Variants in OTOGL observed in about 807,000 individuals in gnomAD.
OTOGL encodes the protein otogelin-like protein.
Under a neutral mutation model 318.5 loss-of-function variants are expected in OTOGL, and 285 were observed. The observed-to-expected ratio is 0.89, with a 90% CI of 0.81 to 0.99. OTOGL has a LOEUF of 0.99. OTOGL is among the 50% of genes least tolerant of loss of function. The pLI is 0.00. For missense variants in OTOGL, 2,899 were observed against 2,845.6 expected (o/e 1.02, Z -0.43); for synonymous variants, 987 against 936.5 (o/e 1.05, Z -0.99).
At chr12:80,168,503 A>G (rs1318509830) in intron 1 of OTOGL, among the ~76,000 whole-genome samples, 1 of 152,208 alleles carries the variant, frequency 6.6e-6, no homozygotes, top group East Asian at 1.9e-4. Context: ...ATAAAAGTCA[A>G]CTGCTGATGG....
At position 80,361,739 on chromosome 12, in the gene OTOGL, C is replaced by G. The variant is rs575026779; in HGVS notation, c.6267+2839C>G. ...CATTTCCCTGATTACTAATATTAAG[C>G]ATTTTAAAATATACTTCTTGGCCAT... On this transcript the variant is annotated intron_variant, in intron 52 of 58. Coordinates refer to ENST00000547103, the MANE Select transcript of OTOGL (RefSeq NM_001378609.3). Among the ~76,000 whole-genome samples the G allele has an allele frequency of 3.3e-5, 5 of 152,246 alleles. No homozygotes were observed. In the South Asian group the frequency reaches 1.0e-3, roughly 32 times the overall value.
chr12:80,288,880 C>T (rs1004491973), intron 26 of OTOGL, among the ~76,000 whole-genome samples: 5 of 152,026 alleles, frequency 3.3e-5, no homozygotes, highest in Non-Finnish European at 2.9e-5. Flanking sequence ...TTACTACCCA[C>T]TTCCTGAAGC....
intron 32 of OTOGL, among the ~76,000 whole-genome samples, chr12:80,315,806 T>C (rs1212397242): frequency 6.6e-6 from 1 of 152,190 alleles, no homozygotes; most frequent in East Asian, 1.9e-4. Flanking sequence ...AAAAAATATC[T>C]GTGGTAGTTA....
At chr12:80,271,949 T>G in intron 24 of OTOGL, 139 bp downstream of exon 24, 1 of 971,612 alleles carries the variant, frequency 1.0e-6, no homozygotes, top group South Asian at 2.1e-5. Context: ...AAGACTATTG[T>G]GATTGTTTTG....
chr12:80,217,740 T>C (rs181669575), intron 5 of OTOGL, 76 bp downstream of exon 5: 53 of 1,137,758 alleles, frequency 4.7e-5, no homozygotes, highest in South Asian at 1.0e-4. Flanking sequence ...ATCAAGTATT[T>C]ATTGTTTCCG....
At position 80,355,756 on chromosome 12, in the gene OTOGL, C is replaced by A; in HGVS notation, c.5614C>A (p.Gln1872Lys). ...KECACTDSED[Q>K]PRTAGEIWNG... ...TTAAGCATGCACTGATAGTGAAGACCAACCCCGCACTGCTGGGGAGATTTG... is the reference window on the plus strand; with the variant it reads ...TTAAGCATGCACTGATAGTGAAGACAAACCCCGCACTGCTGGGGAGATTTG... The change falls in exon 47 of 59, where the codon CAA becomes AAA. Residue 1872 changes from glutamine to lysine, a missense_variant. Transcript: ENST00000547103. The A allele has an allele frequency of 6.2e-7, 1 of 1,613,190 alleles. No homozygotes were observed.
intron 57 of OTOGL, among the ~76,000 whole-genome samples, chr12:80,372,782 G>A (rs1446575683): frequency 7.9e-5 from 12 of 151,610 alleles, no homozygotes; most frequent in Non-Finnish European, 1.3e-4. Context: ...TCTTCCTGCC[G>A]GGTCCAAGCA....
rs57797933 is a variant in OTOGL, at chr12:80,285,410, C to T, written c.2928+6244C>T. On this transcript the variant is annotated intron_variant, in intron 26 of 58. Transcript: ENST00000547103. ...TTTAAAGTAGTTTTTTCTAATTCTGCGAAGAAAGTTAATGGTAGCTTGATG... is the reference window on the plus strand; with the variant it reads ...TTTAAAGTAGTTTTTTCTAATTCTGTGAAGAAAGTTAATGGTAGCTTGATG... 2.1e-4 allele frequency among the ~76,000 whole-genome samples: 32 copies of T among 151,822 alleles called. No homozygotes were observed. The South Asian group carries it at 4.6e-3, about 22-fold the overall frequency.
intron 1 of OTOGL, among the ~76,000 whole-genome samples, chr12:80,199,430 T>C (rs1876307324): frequency 6.6e-6 from 1 of 152,228 alleles, no homozygotes; most frequent in Non-Finnish European, 1.5e-5. Context: ...TGCAGTTGAA[T>C]GATTATTTTT....
At chr12:80,118,284 A>G (rs1380668582) in intron 1 of OTOGL, among the ~76,000 whole-genome samples, 16 of 152,166 alleles carry the variant, frequency 1.1e-4, no homozygotes, top group Non-Finnish European at 2.1e-4. Context: ...GATCATACAA[A>G]TCTATGGAAA....
intron 1 of OTOGL, among the ~76,000 whole-genome samples, chr12:80,173,657 G>A (rs988348186): frequency 1.8e-4 from 27 of 152,018 alleles, no homozygotes; most frequent in African/African-American, 6.0e-4. Context: ...TGACCTCCTG[G>A]GAATGCAGCC....
At chr12:80,173,152 A>G (rs1874317839) in intron 1 of OTOGL, among the ~76,000 whole-genome samples, 1 of 151,084 alleles carries the variant, frequency 6.6e-6, no homozygotes, top group African/African-American at 2.4e-5. Flanking sequence ...ATCAATATTT[A>G]CTTTATAAGA....
chr12:80,219,900 A>G lies in OTOGL; in HGVS notation c.322A>G (p.Arg108Gly). Residue 108 changes from arginine to glycine, a missense_variant, in exon 6 of 59, where the codon AGA becomes GGA. Transcript: ENST00000547103. The part of the protein sequence containing the change: ...DCQIFQALGT[R>G]CQIIPNMGNG... ...TCAAATATTTCAGGCTCTTGGGACAAGATGCCAGATCAGTAAGTTTCAGGG... is the reference window on the plus strand; with the variant it reads ...TCAAATATTTCAGGCTCTTGGGACAGGATGCCAGATCAGTAAGTTTCAGGG... 6.4e-7 allele frequency: 1 copy of G among 1,570,860 alleles called. No homozygotes were observed. The highest frequency in any genetic ancestry group is 8.7e-7 in the Non-Finnish European group (1 of 1,155,596).
intron 1 of OTOGL, among the ~76,000 whole-genome samples, chr12:80,142,294 A>C (rs1403112515): frequency 6.6e-6 from 1 of 152,150 alleles, no homozygotes; most frequent in Non-Finnish European, 1.5e-5. Context: ...AATTTCAAGC[A>C]CTCAGTGGCC....
Position 80,318,811 on chromosome 12 carries a change from T to C in OTOGL, c.3802+98T>C, listed in dbSNP as rs1002990036. The C allele has an allele frequency of 3.1e-6, 3 of 957,306 alleles. No individual in the cohort carries two copies. The Admixed American group carries it at 1.3e-4, about 41-fold the overall frequency. 59.3% of individuals were successfully genotyped at this position (957,306 alleles called of 1,614,324 possible). On this transcript the variant is annotated intron_variant, in intron 33 of 58. Coordinates refer to ENST00000547103, the MANE Select transcript of OTOGL (RefSeq NM_001378609.3). ...TTGAGAATCTAATATGTTTATGGTA[T>C]TTTTTAAAAGTGCTCTAAAGCATAT...
chr12:80,176,091 T>C (rs1874506242), intron 1 of OTOGL, among the ~76,000 whole-genome samples: 1 of 152,204 alleles, frequency 6.6e-6, no homozygotes, highest in Admixed American at 6.6e-5. Flanking sequence ...CTATAATTTT[T>C]GCCCAAGTTG....
At chr12:80,294,951 G>A (rs1885283237) in intron 26 of OTOGL, among the ~76,000 whole-genome samples, 1 of 151,992 alleles carries the variant, frequency 6.6e-6, no homozygotes, top group Non-Finnish European at 1.5e-5. Flanking sequence ...TTGGTCAGGT[G>A]TGGTGGCACA....
At chr12:80,148,401 T>C (rs1197091688) in intron 1 of OTOGL, among the ~76,000 whole-genome samples, 2 of 150,360 alleles carry the variant, frequency 1.3e-5, no homozygotes, top group African/African-American at 4.9e-5. Context: ...TTCTGGCTTG[T>C]AGGGTTTCTG....
chr12:80,372,688 T>C (rs1219331679), intron 57 of OTOGL, among the ~76,000 whole-genome samples: 1 of 139,750 alleles, frequency 7.2e-6, no homozygotes, highest in Non-Finnish European at 1.5e-5. Context: ...TATTTCATAG[T>C]AATTGTTTTT....
Sources: gnomAD v4.1 joint callset for allele counts (sites outside exome capture counted in the v4.1 genomes callset) on GRCh38, gnomAD v4.1.1 for gene constraint, MANE v1.5 for transcripts, NCBI Gene and HGNC (gene_info 2026-07-23, HGNC 2026-07-21) for gene names.